The following ATP6V0A4 variants were observed in gnomAD, a reference collection of about 807,000 sequenced individuals.
The protein encoded by ATP6V0A4 is ATPase H+ transporting V0 subunit a4.
Under a neutral mutation model 107.3 loss-of-function variants are expected in ATP6V0A4, and 86 were observed. The observed-to-expected ratio is 0.80, with a 90% CI of 0.67 to 0.96. The LOEUF is 0.96. Ranked by LOEUF, ATP6V0A4 falls within the 40% of genes least tolerant of loss-of-function variation. The pLI, the probability that ATP6V0A4 is intolerant of heterozygous loss-of-function variation, is 0.00. For synonymous variants in ATP6V0A4, 353 were observed against 381.4 expected (o/e 0.93, Z 0.87); for missense variants, 908 against 1,045.6 (o/e 0.87, Z 1.81).
At chr7:138,756,575 G>A (rs1239594263) in intron 8 of ATP6V0A4, 35 bp from the exon 9 acceptor site, 2 of 1,600,054 alleles carry the variant, frequency 1.2e-6, no homozygotes, top group Non-Finnish European at 8.5e-7. Flanking sequence ...AAAAAGGGGG[G>A]GGTTTCTTTC....
At chr7:138,771,310 G>A in intron 2 of ATP6V0A4, 46 bp from the exon 3 acceptor site, 2 of 1,596,744 alleles carry the variant, frequency 1.3e-6, no homozygotes, top group Non-Finnish European at 1.7e-6. Flanking sequence ...GGTAATAAAT[G>A]TGTGAAAACC....
chr7:138,716,073 G>T, intron 19 of ATP6V0A4, 192 bp from the exon 20 acceptor site: 1 of 356,616 alleles, frequency 2.8e-6, no homozygotes, highest in Non-Finnish European at 3.9e-6. Context: ...GTGTCTTAAC[G>T]TTCCCCAGCA....
chr7:138,734,081 A>G, intron 16 of ATP6V0A4, 55 bp downstream of exon 16: 7 of 1,548,298 alleles, frequency 4.5e-6, no homozygotes, highest in East Asian at 2.3e-5. Context: ...CTCTGTCACC[A>G]TTCATCATCA....
rs375278575 is a variant in ATP6V0A4, at chr7:138,730,938, TA to T, written c.1908+1938del. ...TTTTTTCTTCTTCTTCTTCTTTTTT[TA>T]TTTTTTTTTTTGAGACAGAGTTTTG... On this transcript the variant is annotated intron_variant, in intron 17 of 21. Coordinates refer to ENST00000310018, the MANE Select transcript of ATP6V0A4 (RefSeq NM_020632.3). Among the ~76,000 whole-genome samples the T allele has an allele frequency of 8.0e-4, 110 of 136,858 alleles. 6 individuals are homozygous for T. Among genetic ancestry groups the T allele is most frequent in the African/African-American group, 1.6e-3 (51 of 31,034 alleles). 89.8% of individuals were successfully genotyped at this position (136,858 alleles called of 152,430 possible). A position where few individuals can be genotyped will look rare whatever the true frequency, so the allele number is the denominator to read the frequency against.
intron 13 of ATP6V0A4, among the ~76,000 whole-genome samples, chr7:138,745,962 A>AATATATATATATATAT (rs1554396064): frequency 1.8e-4 from 12 of 65,610 alleles, no homozygotes; most frequent in African/African-American, 6.0e-4. Flanking sequence ...AAAAAAAAAA[A>AATATATATATATATAT]ATATATATAT....
intron 15 of ATP6V0A4, 108 bp from the exon 16 acceptor site, chr7:138,734,362 C>T: frequency 1.9e-6 from 3 of 1,543,468 alleles, no homozygotes; most frequent in East Asian, 2.3e-5. Flanking sequence ...CTGGGAACTG[C>T]ACTTTCATAT....
In ATP6V0A4 at chr7:138,755,685, T is replaced by A; in HGVS notation, c.816+4A>T. The A allele has an allele frequency of 6.2e-7, 1 of 1,613,628 alleles. No individual in the cohort carries two copies. Among genetic ancestry groups the A allele is most frequent in the Non-Finnish European group, 8.5e-7 (1 of 1,180,000 alleles). ...CAGACCATGCGCCCAAACCCCTCAC[T>A]CACGGTGATTAAATCTTCCAGCCTC... On this transcript the variant is annotated splice_donor_region_variant and intron_variant, in intron 10 of 21. Transcript: ENST00000310018.
intron 1 of ATP6V0A4, among the ~76,000 whole-genome samples, chr7:138,790,087 C>T (rs1209836396): frequency 2.0e-5 from 3 of 151,376 alleles, no homozygotes; most frequent in African/African-American, 7.3e-5. Context: ...AAAATTAAAA[C>T]CACCCAAAAC....
chr7:138,722,146 T>C, intron 18 of ATP6V0A4, 121 bp from the exon 19 acceptor site: 1 of 1,486,602 alleles, frequency 6.7e-7, no homozygotes, highest in Non-Finnish European at 9.1e-7. Flanking sequence ...TTCTAAACAC[T>C]ACACTATCTC....
chr7:138,784,322 A>AT (rs71169059), intron 2 of ATP6V0A4, among the ~76,000 whole-genome samples: 7,660 of 122,190 alleles, frequency 0.063, 711 homozygotes, highest in African/African-American at 0.19. Flanking sequence ...ATATATATGT[A>AT]TTTTTTTTTT....
At chr7:138,742,325 G>A (rs1182480851) in intron 14 of ATP6V0A4, among the ~76,000 whole-genome samples, 2 of 152,130 alleles carry the variant, frequency 1.3e-5, no homozygotes, top group Non-Finnish European at 2.9e-5. Flanking sequence ...TACTTGGGAG[G>A]CTGAGGCAGG....
At chr7:138,711,261 G>A (rs774338087) in intron 20 of ATP6V0A4, among the ~76,000 whole-genome samples, 13 of 152,128 alleles carry the variant, frequency 8.5e-5, no homozygotes, top group African/African-American at 1.9e-4. Flanking sequence ...GATGGGGATC[G>A]GAAAAAACCC....
chr7:138,714,594 T>C (rs1803938371), intron 20 of ATP6V0A4, among the ~76,000 whole-genome samples: 1 of 152,004 alleles, frequency 6.6e-6, no homozygotes, highest in Non-Finnish European at 1.5e-5. Flanking sequence ...AGGCAGATGA[T>C]AGATAGATAG....
chr7:138,769,384 A>C, intron 3 of ATP6V0A4, 133 bp from the exon 4 acceptor site: 6 of 1,373,178 alleles, frequency 4.4e-6, no homozygotes, highest in African/African-American at 1.6e-5. Context: ...GCGCGATCTC[A>C]GCTCACTGTA....
Position 138,728,773 on chromosome 7 carries a change from A to G in ATP6V0A4, c.1998T>C (p.His666=). ...LIKPFILRAS[H]RKSQLQASRI... ...AAACAGCCCTTACCTGGGATTTCCG[A>G]TGACTGGCTCTAAGAATAAACGGCT... The change falls in exon 18 of 22, where the codon CAT becomes CAC. Residue 666 remains histidine (H), a synonymous_variant. Transcript: ENST00000310018. The G allele has an allele frequency of 6.2e-7, 1 of 1,614,184 alleles. No homozygotes were observed. The highest frequency in any genetic ancestry group is 8.5e-7 in the Non-Finnish European group (1 of 1,180,032).
intron 14 of ATP6V0A4, among the ~76,000 whole-genome samples, chr7:138,742,689 ATTT>A: frequency 7.1e-6 from 1 of 140,228 alleles, no homozygotes; most frequent in African/African-American, 2.6e-5. Context: ...TGCCCAGCTA[ATTT>A]TTTTTTTTTT....
At chr7:138,734,076 T>C (rs1805175571) in intron 16 of ATP6V0A4, 60 bp downstream of exon 16, 15 of 1,543,590 alleles carry the variant, frequency 9.7e-6, no homozygotes, top group Non-Finnish European at 1.3e-5. Context: ...AGTGGCTCTG[T>C]CACCATTCAT....
chr7:138,732,591 C>T (rs1410129254), intron 17 of ATP6V0A4, among the ~76,000 whole-genome samples: 1 of 151,942 alleles, frequency 6.6e-6, no homozygotes, highest in Non-Finnish European at 1.5e-5. Flanking sequence ...GTCATGAGTT[C>T]GAGAGCAGCC....
At chr7:138,745,670 A>AAAAAAAAAAAAAAAAAAAAAAAAAAAC (rs1805885690) in intron 13 of ATP6V0A4, among the ~76,000 whole-genome samples, 1 of 141,730 alleles carries the variant, frequency 7.1e-6, no homozygotes. Context: ...AAAAAAAAAA[A>AAAAAAAAAAAAAAAAAAAAAAAAAAAC]AGGCCGGGTG....
Sources: gnomAD v4.1 joint callset for allele counts (sites outside exome capture counted in the v4.1 genomes callset) on GRCh38, gnomAD v4.1.1 for gene constraint, MANE v1.5 for transcripts, NCBI Gene and HGNC (gene_info 2026-07-23, HGNC 2026-07-21) for gene names.